Variants in ARFGEF3 observed in about 807,000 individuals in gnomAD.
ARFGEF3 encodes brefeldin A-inhibited guanine nucleotide-exchange protein 3.
A neutral mutation model predicts 221.7 loss-of-function variants in ARFGEF3; 96 were observed. That is an observed-to-expected ratio of 0.43 (90% CI 0.37 to 0.51). The LOEUF is 0.51. ARFGEF3 is among the 20% of genes least tolerant of loss of function. ARFGEF3 has a pLI of 0.00. For missense variants in ARFGEF3, 2,410 were observed against 2,789.9 expected (o/e 0.86, Z 3.07); for synonymous variants, 1,145 against 1,126.8 (o/e 1.02, Z -0.32).
rs1286447847 is a variant in ARFGEF3, at chr6:138,283,381, A to G, written c.2462-2565A>G. Among the ~76,000 whole-genome samples the G allele has an allele frequency of 3.9e-5, 6 of 152,258 alleles. No homozygotes were observed. In the East Asian group the frequency reaches 1.2e-3, roughly 29 times the overall value. On this transcript the variant is annotated intron_variant, in intron 14 of 33. Transcript: ENST00000251691. Reference sequence around the variant, plus strand: ...TATTCATCAGTCATCACTGTTAATTAGCCATCGCTGTTATTAATGGAACAG... The same window carrying G: ...TATTCATCAGTCATCACTGTTAATTGGCCATCGCTGTTATTAATGGAACAG...
chr6:138,260,435 A>C (rs1277122461), intron 10 of ARFGEF3, among the ~76,000 whole-genome samples: 3 of 152,194 alleles, frequency 2.0e-5, no homozygotes, highest in Admixed American at 6.5e-5. Flanking sequence ...TTTAGCCTCA[A>C]CTTGACATTT....
rs759447855 is a variant in ARFGEF3, at chr6:138,304,757, G to A, written c.3829-2496G>A. The stretch of plus-strand genomic sequence containing the variant: ...AAATTACACCTTTGGTTTGATCACC[G>A]GTGATTACAGTGTTATTCTCATACC... On this transcript the variant is annotated intron_variant, in intron 22 of 33. Transcript: ENST00000251691. Among the ~76,000 whole-genome samples the A allele has an allele frequency of 1.1e-3, 164 of 152,232 alleles. 1 individual carries two copies. Among genetic ancestry groups the A allele is most frequent in the Non-Finnish European group, 1.1e-3 (73 of 68,002 alleles).
At chr6:138,178,205 A>C (rs1776993562) in intron 2 of ARFGEF3, among the ~76,000 whole-genome samples, 1 of 152,108 alleles carries the variant, frequency 6.6e-6, no homozygotes, top group Non-Finnish European at 1.5e-5. Flanking sequence ...CACCATTCTT[A>C]TGTCCTAGGC....
intron 27 of ARFGEF3, among the ~76,000 whole-genome samples, chr6:138,318,856 T>A (rs1375534468): frequency 1.3e-5 from 2 of 152,144 alleles, no homozygotes; most frequent in Admixed American, 6.6e-5. Context: ...TAAATATTCA[T>A]CAGTAAGGAA....
At chr6:138,315,886 T>G (rs1779917798) in intron 26 of ARFGEF3, among the ~76,000 whole-genome samples, 1 of 151,896 alleles carries the variant, frequency 6.6e-6, no homozygotes, top group Non-Finnish European at 1.5e-5. Context: ...AGATTAGTTG[T>G]GAGGAATAAT....
intron 31 of ARFGEF3, among the ~76,000 whole-genome samples, chr6:138,324,863 T>G (rs1392187448): frequency 6.6e-6 from 1 of 152,228 alleles, no homozygotes; most frequent in Non-Finnish European, 1.5e-5. Context: ...AGCTCTTAAG[T>G]GACATGGCAG....
At chr6:138,186,326 T>A (rs768361932) in intron 2 of ARFGEF3, among the ~76,000 whole-genome samples, 5 of 152,210 alleles carry the variant, frequency 3.3e-5, no homozygotes, top group African/African-American at 1.2e-4. Context: ...ATTTTCCTCA[T>A]GTAACAGGCT....
Position 138,254,003 on chromosome 6 carries a change from C to T in ARFGEF3, c.770+19C>T, listed in dbSNP as rs184771003. 3.0e-4 allele frequency: 446 copies of T among 1,506,962 alleles called. 1 individual carries two copies. The African/African-American group carries it at 5.0e-3, about 17-fold the overall frequency. The allele number at this position is 1,506,962 out of a possible 1,614,324, so 93.3% of individuals were successfully genotyped here. On this transcript the variant is annotated intron_variant, in intron 9 of 33. Transcript: ENST00000251691. Reference sequence around the variant, plus strand: ...TGATCTGGTGAGCACCCACTCCTGACGCCCCGACGCTGATGCCAACCCAAG... The same window carrying T: ...TGATCTGGTGAGCACCCACTCCTGATGCCCCGACGCTGATGCCAACCCAAG...
intron 4 of ARFGEF3, among the ~76,000 whole-genome samples, chr6:138,210,731 T>C (rs1324075604): frequency 6.6e-6 from 1 of 152,122 alleles, no homozygotes; most frequent in Non-Finnish European, 1.5e-5. Context: ...ACAAGAAAGC[T>C]TTTAATAATG....
intron 4 of ARFGEF3, chr6:138,218,402 T>C (rs1187326184): frequency 6.6e-7 from 1 of 1,524,376 alleles, no homozygotes; most frequent in African/African-American, 1.4e-5. Flanking sequence ...TCATATTTAC[T>C]ACTGTAAATT....
At chr6:138,325,994 T>C (rs1438581898) in intron 31 of ARFGEF3, among the ~76,000 whole-genome samples, 1 of 152,086 alleles carries the variant, frequency 6.6e-6, no homozygotes, top group African/African-American at 2.4e-5. Flanking sequence ...GTAGCTGGGA[T>C]TACAGGTGTG....
intron 22 of ARFGEF3, among the ~76,000 whole-genome samples, chr6:138,304,607 A>C (rs938448384): frequency 1.3e-5 from 2 of 152,216 alleles, no homozygotes; most frequent in Non-Finnish European, 2.9e-5. Flanking sequence ...ATCTTAAAGA[A>C]TTATGCTTAG....
chr6:138,296,020 G>A lies in ARFGEF3; in HGVS notation c.3503-790G>A, dbSNP rs185903590. Among the ~76,000 whole-genome samples, 983 of 152,296 alleles carry A rather than the reference G, an allele frequency of 6.5e-3. 6 individuals are homozygous for A. The highest frequency in any genetic ancestry group is 8.4e-3 in the Non-Finnish European group (574 of 68,018). On this transcript the variant is annotated intron_variant, in intron 20 of 33. Transcript: ENST00000251691. ...AATAGGACATGAGCAGGGAGAGAGC[G>A]GGGAAGATGAAGGTTGTCACCTTCT... is the stretch of plus-strand genomic sequence containing the variant.
chr6:138,284,419 A>G (rs1487920340), intron 14 of ARFGEF3, among the ~76,000 whole-genome samples: 1 of 152,178 alleles, frequency 6.6e-6, no homozygotes, highest in Non-Finnish European at 1.5e-5. Context: ...TTTCAACTCC[A>G]TAGTCACTTT....
Position 138,342,970 on chromosome 6 carries a change from T to C in ARFGEF3, c.*6484T>C, listed in dbSNP as rs567475277. On this transcript the variant is annotated 3_prime_UTR_variant, in exon 34 of 34. Coordinates refer to ENST00000251691, the MANE Select transcript of ARFGEF3 (RefSeq NM_020340.5). ...CCTGTTTTTGACTTTTCAGTAAATA[T>C]GTTGTTTGTGCACATATCTACATGG... 5.9e-5 allele frequency: 9 copies of C among 152,378 alleles called. No individual in the cohort carries two copies. The highest frequency in any genetic ancestry group is 2.2e-4 in the African/African-American group (9 of 41,596). 9.4% of individuals were successfully genotyped at this position (152,378 alleles called of 1,614,324 possible).
Position 138,209,928 on chromosome 6 carries a change from A to G in ARFGEF3, c.238A>G (p.Arg80Gly). 4 of 1,613,560 alleles carry G rather than the reference A, an allele frequency of 2.5e-6. No individual in the cohort carries two copies. The highest frequency in any genetic ancestry group is 3.4e-6 in the Non-Finnish European group (4 of 1,179,698). Residue 80 changes from arginine (R) to glycine (G), a missense_variant, in exon 4 of 34, where the codon AGG becomes GGG. By Grantham distance (125) the Arg-to-Gly change is moderately radical (BLOSUM62 -2). This residue lies in a region of ARFGEF3 where 570 missense variants were observed against 586.9 expected (regional missense o/e 0.97). Coordinates refer to ENST00000251691, the MANE Select transcript of ARFGEF3 (RefSeq NM_020340.5). ...TTTACAGAAGCTTCTGTCGGAAGAG[A>G]GGTTTGTATCCATGGAAACAGATTC... ...AGMQKLLSEE[R>G]FVSMETDSDE...
intron 20 of ARFGEF3, among the ~76,000 whole-genome samples, chr6:138,295,313 T>C: frequency 6.6e-6 from 1 of 152,164 alleles, no homozygotes; most frequent in Non-Finnish European, 1.5e-5. Context: ...GCAATAATTA[T>C]ATTTTCTTCT....
chr6:138,290,052 G>A, intron 18 of ARFGEF3, 84 bp downstream of exon 18: 1 of 1,295,668 alleles, frequency 7.7e-7, no homozygotes, highest in Non-Finnish European at 1.1e-6. Flanking sequence ...GAGAGGGGTG[G>A]CCTTAAGAGC....
chr6:138,316,833 A>C (rs186685166), intron 26 of ARFGEF3, among the ~76,000 whole-genome samples: 41 of 152,334 alleles, frequency 2.7e-4, no homozygotes, highest in African/African-American at 9.6e-4. Context: ...ATACCTCTGA[A>C]TTGTACTCGT....
Sources: gnomAD v4.1 joint callset for allele counts (sites outside exome capture counted in the v4.1 genomes callset) on GRCh38, gnomAD v4.1.1 for gene constraint, gnomAD v4.1.1 regional missense constraint, MANE v1.5 for transcripts, NCBI Gene and HGNC (gene_info 2026-07-23, HGNC 2026-07-21) for gene names.